Variants in SAMD12 observed in about 807,000 individuals in gnomAD.
The protein encoded by SAMD12 is sterile alpha motif domain containing 12.
Under a neutral mutation model 15.0 loss-of-function variants are expected in SAMD12, and 9 were observed. The ratio of observed to expected loss-of-function variants is 0.60; its 90% CI spans 0.36 to 1.05. The LOEUF (loss-of-function observed/expected upper bound fraction) is 1.05, where lower values mean the gene tolerates loss of function less well. Ranked by LOEUF, SAMD12 falls within the 50% of genes least tolerant of loss-of-function variation. SAMD12 has a pLI of 0.01. For missense variants in SAMD12, 230 were observed against 234.2 expected, an observed-to-expected ratio of 0.98 and a Z score of 0.12; for synonymous variants, 86 against 90.1, an observed-to-expected ratio of 0.96 and a Z score of 0.25.
At chr8:118,364,918 T>C (rs1818692001) in intron 4 of SAMD12, among the ~76,000 whole-genome samples, 1 of 152,130 alleles carries the variant, frequency 6.6e-6, no homozygotes, top group Non-Finnish European at 1.5e-5. Context: ...TATCATATCC[T>C]GTGTAGATTA....
chr8:118,173,203 T>C, the SAMD12 span, among the ~76,000 whole-genome samples: 32 of 152,240 alleles, frequency 2.1e-4, no homozygotes, highest in Admixed American at 6.5e-4. Flanking sequence ...GAAATTTCTT[T>C]TTATTTCTTT....
intron 3 of SAMD12, among the ~76,000 whole-genome samples, chr8:118,405,505 C>T (rs990893097): frequency 5.9e-5 from 9 of 152,098 alleles, no homozygotes; most frequent in Non-Finnish European, 1.2e-4. Context: ...TAGTGGTTAC[C>T]TTGGAAGACG....
At chr8:118,257,722 C>G (rs1276279573) in intron 4 of SAMD12, among the ~76,000 whole-genome samples, 1 of 151,966 alleles carries the variant, frequency 6.6e-6, no homozygotes, top group Non-Finnish European at 1.5e-5. Flanking sequence ...CCTTCTTTCT[C>G]GAGGGGAAGG....
At chr8:118,201,831 C>T (rs1004463363) in intron 4 of SAMD12, among the ~76,000 whole-genome samples, 1 of 152,252 alleles carries the variant, frequency 6.6e-6, no homozygotes, top group Non-Finnish European at 1.5e-5. Flanking sequence ...TTTTTCAAAC[C>T]TCTGTTTGAT....
Position 118,379,098 on chromosome 8 carries a change from A to G in SAMD12, c.*319T>C. Reference sequence around the variant, plus strand: ...GTGAAAAGCAAAACAAAAATACAACAAAAACTCCACTTATATCACTGGTCA... The same window carrying G: ...GTGAAAAGCAAAACAAAAATACAACGAAAACTCCACTTATATCACTGGTCA... On this transcript the variant is annotated 3_prime_UTR_variant, in exon 4 of 4. Coordinates refer to ENST00000314727, the MANE Select transcript of SAMD12 (RefSeq NM_207506.3). 9.3e-7 allele frequency: 1 copy of G among 1,074,432 alleles called. No individual in the cohort carries two copies. Among genetic ancestry groups the G allele is most frequent in the Non-Finnish European group, 1.1e-6 (1 of 884,506 alleles). The allele number at this position is 1,074,432 out of a possible 1,614,324, so 66.6% of individuals were successfully genotyped here.
chr8:118,455,811 A>G (rs1341616049), intron 2 of SAMD12, among the ~76,000 whole-genome samples: 1 of 152,014 alleles, frequency 6.6e-6, no homozygotes, highest in Non-Finnish European at 1.5e-5. Flanking sequence ...ACATACATAC[A>G]TCATACATAT....
chr8:118,570,672 G>A (rs1037283234), intron 2 of SAMD12, among the ~76,000 whole-genome samples: 17 of 152,030 alleles, frequency 1.1e-4, no homozygotes, highest in South Asian at 2.1e-4. Flanking sequence ...ATGAACATAC[G>A]TGTATCTTTA....
chr8:118,561,987 A>G (rs1826714155), intron 2 of SAMD12, among the ~76,000 whole-genome samples: 1 of 152,216 alleles, frequency 6.6e-6, no homozygotes. Context: ...AATTGAGTAT[A>G]AAAGAAAAAA....
At chr8:118,263,107 T>C (rs1039477164) in intron 4 of SAMD12, among the ~76,000 whole-genome samples, 1 of 152,040 alleles carries the variant, frequency 6.6e-6, no homozygotes, top group African/African-American at 2.4e-5. Flanking sequence ...TCTCATTCCC[T>C]CTCCAGCTAT....
intron 4 of SAMD12, among the ~76,000 whole-genome samples, chr8:118,278,856 A>G (rs991536155): frequency 5.3e-5 from 8 of 152,348 alleles, no homozygotes; most frequent in East Asian, 3.9e-4. Flanking sequence ...TTTCCATTAC[A>G]CGTAGCCATG....
At chr8:118,454,740 C>T (rs1485562314) in intron 2 of SAMD12, among the ~76,000 whole-genome samples, 6 of 152,188 alleles carry the variant, frequency 3.9e-5, no homozygotes, top group African/African-American at 1.2e-4. Flanking sequence ...CTCCAGGACT[C>T]TTTCCATTCT....
At chr8:118,513,808 AT>A (rs1825152025) in intron 2 of SAMD12, among the ~76,000 whole-genome samples, 1 of 152,174 alleles carries the variant, frequency 6.6e-6, no homozygotes, top group African/African-American at 2.4e-5. Flanking sequence ...AAGCTTGACT[AT>A]CAACAGCAAA....
At chr8:118,183,849 C>T in the SAMD12 span, among the ~76,000 whole-genome samples, 2 of 152,002 alleles carry the variant, frequency 1.3e-5, no homozygotes, top group Admixed American at 6.6e-5. Context: ...CCTTCTGAAT[C>T]TCAAGTGTCC....
At chr8:118,398,719 T>A (rs145110972) in intron 3 of SAMD12, among the ~76,000 whole-genome samples, 38 of 152,264 alleles carry the variant, frequency 2.5e-4, no homozygotes, top group Non-Finnish European at 3.8e-4. Context: ...GAGAGTTGGA[T>A]TAAAAATAAA....
At chr8:118,241,979 A>G (rs184901736) in intron 4 of SAMD12, among the ~76,000 whole-genome samples, 169 of 152,252 alleles carry the variant, frequency 1.1e-3, no homozygotes, top group African/African-American at 3.9e-3. Context: ...TGGCACAATC[A>G]TGCCTCACCG....
chr8:118,577,471 A>C lies in SAMD12; in HGVS notation c.192+3244T>G, dbSNP rs532233158. Among the ~76,000 whole-genome samples the C allele has an allele frequency of 1.4e-4, 21 of 152,280 alleles. 1 individual carries two copies. In the South Asian group the frequency reaches 4.2e-3, roughly 30 times the overall value. ...ACTCTAGCATTGCCTGTTAAAGATA[A>C]GCTCATTAAGCTCCTCTGGAACAGG... On this transcript the variant is annotated intron_variant, in intron 2 of 3. Transcript: ENST00000314727.
At position 118,621,866 on chromosome 8, in the gene SAMD12, C is replaced by A; in HGVS notation, c.-50G>T. ...GCATAATTTTCTTGGCCGAGGTACT[C>A]CTCCTGCCCCGCGCTCCCCCCTTCC... is the stretch of plus-strand genomic sequence containing the variant. On this transcript the variant is annotated 5_prime_UTR_variant, in exon 1 of 4. Coordinates refer to ENST00000314727, the MANE Select transcript of SAMD12 (RefSeq NM_207506.3). The A allele has an allele frequency of 1.9e-6, 3 of 1,599,558 alleles. No individual in the cohort carries two copies. Among genetic ancestry groups the A allele is most frequent in the Non-Finnish European group, 2.6e-6 (3 of 1,166,822 alleles).
intron 4 of SAMD12, among the ~76,000 whole-genome samples, chr8:118,363,070 T>A (rs1444536308): frequency 6.6e-6 from 1 of 152,228 alleles, no homozygotes; most frequent in Non-Finnish European, 1.5e-5. Context: ...TTGAATAGTC[T>A]CAAGTGTTAA....
At chr8:118,501,890 G>A (rs1392489258) in intron 2 of SAMD12, among the ~76,000 whole-genome samples, 1 of 152,062 alleles carries the variant, frequency 6.6e-6, no homozygotes, top group African/African-American at 2.4e-5. Context: ...GGTGGCAGGC[G>A]CCTGTAGTCC....
Sources: gnomAD v4.1 joint callset for allele counts (sites outside exome capture counted in the v4.1 genomes callset) on GRCh38, gnomAD v4.1.1 for gene constraint, MANE v1.5 for transcripts, NCBI Gene and HGNC (gene_info 2026-07-23, HGNC 2026-07-21) for gene names.